The following PDK3 variants were observed in gnomAD, a reference collection of about 807,000 sequenced individuals.
The protein encoded by PDK3 is pyruvate dehydrogenase kinase 3, also known as pyruvate dehydrogenase kinase, isozyme 3.
PDK3 carries 12 observed loss-of-function variants against 32.0 expected under a neutral mutation model. That is an observed-to-expected ratio of 0.37 (90% CI 0.24 to 0.61). PDK3 has a LOEUF of 0.61. PDK3 is among the 20% of genes least tolerant of loss of function. The pLI, the probability that PDK3 is intolerant of heterozygous loss-of-function variation, is 0.65. For missense variants in PDK3, 188 were observed against 316.9 expected (o/e 0.59, Z 3.09); for synonymous variants, 122 against 116.3 (o/e 1.05, Z -0.31).
exon 12 of PDK3, among the ~76,000 whole-genome samples, chrX:24,545,046 A>T (rs1922968372): frequency 8.9e-6 from 1 of 112,271 alleles, no homozygotes; most frequent in Admixed American, 9.4e-5. Flanking sequence ...TTGAAAATAG[A>T]GGACATATGA....
At chrX:24,475,429 G>A (rs915785678) in intron 1 of PDK3, among the ~76,000 whole-genome samples, 1 of 111,443 alleles carries the variant, frequency 9.0e-6, no homozygotes, top group Admixed American at 9.6e-5. Flanking sequence ...GGCTGAGGCA[G>A]GAGGATCGCT....
At chrX:24,509,417 G>T (rs1019250080) in intron 5 of PDK3, among the ~76,000 whole-genome samples, 2 of 111,550 alleles carry the variant, frequency 1.8e-5, no homozygotes, top group Non-Finnish European at 3.8e-5. Flanking sequence ...AAAGCTTGGA[G>T]TTCCTGGTGA....
chrX:24,481,136 C>A (rs886627702), intron 1 of PDK3, among the ~76,000 whole-genome samples: 1 of 108,881 alleles, frequency 9.2e-6, no homozygotes, highest in Non-Finnish European at 1.9e-5. Flanking sequence ...CTCCGCCTTC[C>A]GGGTTCACGC....
intron 5 of PDK3, among the ~76,000 whole-genome samples, chrX:24,516,725 G>A (rs1429014674): frequency 1.8e-5 from 2 of 110,904 alleles, no homozygotes; most frequent in African/African-American, 6.6e-5. Flanking sequence ...TTGTAGTGAT[G>A]AATATGTAAA....
At chrX:24,470,687 C>CAAAAAAAAAAA (rs58511156) in intron 1 of PDK3, among the ~76,000 whole-genome samples, 1 of 26,258 alleles carries the variant, frequency 3.8e-5, no homozygotes, top group Non-Finnish European at 7.8e-5. Context: ...AACGGCATCT[C>CAAAAAAAAAAA]AAAAAAAAAA....
chrX:24,546,523 A>G (rs1409150996), exon 12 of PDK3: 1 of 111,892 alleles, frequency 8.9e-6, no homozygotes, highest in African/African-American at 3.3e-5. Flanking sequence ...ATAAAATGAC[A>G]ACAATATTTT....
exon 12 of PDK3, among the ~76,000 whole-genome samples, chrX:24,544,696 C>T (rs140012702): frequency 2.0e-3 from 222 of 112,096 alleles, no homozygotes; most frequent in African/African-American, 6.7e-3. Flanking sequence ...ATCTGTCAGA[C>T]ATTGCCCTGG....
chrX:24,506,594 C>T (rs1222984465), intron 5 of PDK3, among the ~76,000 whole-genome samples: 2 of 111,092 alleles, frequency 1.8e-5, no homozygotes, highest in Non-Finnish European at 3.8e-5. Context: ...AACTGTAGTG[C>T]TTGTGTAGGT....
At chrX:24,481,106 C>G (rs933590198) in intron 1 of PDK3, among the ~76,000 whole-genome samples, 1 of 107,078 alleles carries the variant, frequency 9.3e-6, no homozygotes, top group African/African-American at 3.4e-5. Flanking sequence ...TGGAGTGGCG[C>G]GATCTTGGCT....
chrX:24,492,994 C>T (rs1335704557), intron 1 of PDK3, among the ~76,000 whole-genome samples: 2 of 104,496 alleles, frequency 1.9e-5, no homozygotes, highest in Non-Finnish European at 3.9e-5. Flanking sequence ...AGCAACACTC[C>T]GTCAAAAAAA....
intron 5 of PDK3, among the ~76,000 whole-genome samples, chrX:24,505,919 G>C (rs1471156974): frequency 2.7e-5 from 3 of 111,557 alleles, no homozygotes; most frequent in Non-Finnish European, 3.8e-5. Context: ...TACCTCTTCA[G>C]TTTTCTTCAT....
chrX:24,489,684 C>CAAAAAAAAA (rs11309543), intron 1 of PDK3, among the ~76,000 whole-genome samples: 14 of 46,635 alleles, frequency 3.0e-4, no homozygotes, highest in East Asian at 6.8e-4. Context: ...GACTCTGTCT[C>CAAAAAAAAA]AAAAAAAAAA....
chrX:24,548,555 C>T (rs1463685429), exon 12 of PDK3: 1 of 112,225 alleles, frequency 8.9e-6, no homozygotes, highest in Non-Finnish European at 1.9e-5. Flanking sequence ...TATTTGCCCT[C>T]CAGTTAGCAA....
intron 1 of PDK3, among the ~76,000 whole-genome samples, chrX:24,478,601 A>G (rs1273982237): frequency 1.8e-5 from 2 of 112,161 alleles, no homozygotes; most frequent in Non-Finnish European, 3.8e-5. Context: ...GATGTCCTTC[A>G]TATCCCTCAA....
intron 5 of PDK3, 56 bp from the exon 6 acceptor site, chrX:24,518,877 A>G (rs1237933135): frequency 1.2e-5 from 7 of 605,488 alleles, no homozygotes; most frequent in Admixed American, 9.2e-5. Flanking sequence ...ACACACACAC[A>G]CACGCTTGTG....
intron 1 of PDK3, 103 bp downstream of exon 1, chrX:24,465,664 G>A (rs1037321970): frequency 1.6e-6 from 1 of 622,586 alleles, no homozygotes; most frequent in African/African-American, 2.2e-5. Context: ...GGAACCGCAG[G>A]CGGGGCTAGG....
At chrX:24,508,473 C>G (rs1290966550) in intron 5 of PDK3, among the ~76,000 whole-genome samples, 1 of 111,220 alleles carries the variant, frequency 9.0e-6, no homozygotes, top group Admixed American at 9.6e-5. Flanking sequence ...TTTTAGGGAG[C>G]TTTTAACCAA....
At chrX:24,526,316 A>G in intron 7 of PDK3, 42 bp downstream of exon 7, 5 of 884,749 alleles carry the variant, frequency 5.7e-6, no homozygotes, top group Non-Finnish European at 8.3e-6. Context: ...TCTTCATTTT[A>G]AATTACTTTG....
exon 12 of PDK3, among the ~76,000 whole-genome samples, chrX:24,540,349 T>C (rs1187605089): frequency 8.9e-6 from 1 of 112,343 alleles, no homozygotes; most frequent in Non-Finnish European, 1.9e-5. Flanking sequence ...TCATCTACTT[T>C]GATTTCTGCC....
Sources: gnomAD v4.1 joint callset for allele counts (sites outside exome capture counted in the v4.1 genomes callset) on GRCh38, gnomAD v4.1.1 for gene constraint, MANE v1.5 for transcripts, NCBI Gene and HGNC (gene_info 2026-07-23, HGNC 2026-07-21) for gene names.